The following DPP6 variants were observed in gnomAD, a reference collection of about 807,000 sequenced individuals.
DPP6 encodes A-type potassium channel modulatory protein DPP6.
A neutral mutation model predicts 122.6 loss-of-function variants in DPP6; 69 were observed. That is an observed-to-expected ratio of 0.56 (90% confidence interval 0.46 to 0.69). The LOEUF is 0.69. Ranked by LOEUF, DPP6 falls within the 30% of genes least tolerant of loss-of-function variation. The pLI, the probability that DPP6 is intolerant of heterozygous loss-of-function variation, is 0.00. For missense variants in DPP6, 928 were observed against 1,116.9 expected, an observed-to-expected ratio of 0.83 and a Z score of 2.41; for synonymous variants, 418 against 433.1, an observed-to-expected ratio of 0.97 and a Z score of 0.43.
At chr7:154,279,128 T>C (rs1278796898) in intron 1 of DPP6, among the ~76,000 whole-genome samples, 2 of 151,196 alleles carry the variant, frequency 1.3e-5, no homozygotes, top group East Asian at 3.9e-4. Flanking sequence ...TCTGGGCATG[T>C]GTGTGTATCT....
intron 1 of DPP6, among the ~76,000 whole-genome samples, chr7:154,437,718 T>A (rs1256389596): frequency 6.6e-6 from 1 of 152,182 alleles, no homozygotes; most frequent in African/African-American, 2.4e-5. Context: ...GGCGGATCCC[T>A]TGAGTCCAGG....
chr7:154,293,069 C>T (rs961274475), intron 1 of DPP6, among the ~76,000 whole-genome samples: 1 of 152,122 alleles, frequency 6.6e-6, no homozygotes, highest in Non-Finnish European at 1.5e-5. Context: ...TCTGACTTCC[C>T]ATTCCATATC....
At chr7:154,471,029 T>A (rs754327609) in intron 2 of DPP6, among the ~76,000 whole-genome samples, 10 of 152,090 alleles carry the variant, frequency 6.6e-5, no homozygotes, top group Non-Finnish European at 1.3e-4. Flanking sequence ...GGTGGGCGGA[T>A]CACCTGAGGT....
In DPP6 at chr7:154,610,705, CTCTGTG is replaced by C. The variant is rs1365179706; in HGVS notation, c.628-27114_628-27109del. ...TTTTATTATTTGTGTCTGTGTTGTT[CTCTGTG>C]TGTGTGTGTGTGTGTGTGTGTGTGT... On this transcript the variant is annotated intron_variant, in intron 5 of 25. Transcript: ENST00000377770. Among the ~76,000 whole-genome samples the C allele has an allele frequency of 6.9e-3, 977 of 140,598 alleles. 9 individuals are homozygous for C. Among genetic ancestry groups the C allele is most frequent in the South Asian group, 0.015 (69 of 4,488 alleles). The allele number at this position is 140,598 out of a possible 152,430, so 92.2% of individuals were successfully genotyped here. A position where few individuals can be genotyped will look rare whatever the true frequency, so the allele number is the denominator to read the frequency against.
intron 6 of DPP6, among the ~76,000 whole-genome samples, chr7:154,642,947 G>T (rs73489877): frequency 0.029 from 4,454 of 152,264 alleles, 201 homozygotes; most frequent in African/African-American, 0.1. Flanking sequence ...ACCCAGCAAA[G>T]AATTTTGCAT....
chr7:154,649,810 A>C (rs1836755085), intron 6 of DPP6, among the ~76,000 whole-genome samples: 2 of 152,210 alleles, frequency 1.3e-5, no homozygotes, highest in Admixed American at 1.3e-4. Context: ...CCGCGAAGAC[A>C]AATAGGAAAT....
intron 1 of DPP6, among the ~76,000 whole-genome samples, chr7:154,233,041 A>G (rs1460858996): frequency 6.6e-6 from 1 of 152,246 alleles, no homozygotes; most frequent in Non-Finnish European, 1.5e-5. Context: ...AGAAAGAATC[A>G]TGCTTAAAAT....
intron 5 of DPP6, among the ~76,000 whole-genome samples, chr7:154,622,895 C>T (rs1834787876): frequency 6.6e-6 from 1 of 152,136 alleles, no homozygotes; most frequent in African/African-American, 2.4e-5. Context: ...TCTGTCTTAC[C>T]CAAGAAGGGA....
At chr7:154,513,809 G>C (rs1386462513) in intron 3 of DPP6, among the ~76,000 whole-genome samples, 4 of 152,156 alleles carry the variant, frequency 2.6e-5, no homozygotes, top group African/African-American at 9.7e-5. Context: ...CCCTGGGCAC[G>C]TGCCACCCAG....
chr7:154,029,348 C>T (rs559833160), intron 1 of DPP6, among the ~76,000 whole-genome samples: 27 of 144,258 alleles, frequency 1.9e-4, no homozygotes, highest in African/African-American at 6.9e-4. Flanking sequence ...AACCCCGTCT[C>T]TACTAAAAAT....
At chr7:153,771,847 T>C in the DPP6 span, among the ~76,000 whole-genome samples, 2 of 151,976 alleles carry the variant, frequency 1.3e-5, no homozygotes, top group African/African-American at 4.8e-5. Flanking sequence ...AGGAATATGG[T>C]ACCAGAAAGA....
chr7:153,945,524 A>G (rs1397766657), intron 1 of DPP6, among the ~76,000 whole-genome samples: 4 of 152,154 alleles, frequency 2.6e-5, no homozygotes, highest in African/African-American at 9.7e-5. Flanking sequence ...AGTTAGAAGG[A>G]TAGAGGAAAT....
intron 1 of DPP6, among the ~76,000 whole-genome samples, chr7:154,141,343 C>G (rs1795834861): frequency 6.6e-6 from 1 of 152,202 alleles, no homozygotes; most frequent in Admixed American, 6.5e-5. Flanking sequence ...TTCCCCACCC[C>G]TCCTCAGTGC....
intron 7 of DPP6, among the ~76,000 whole-genome samples, chr7:154,717,208 T>C (rs1433485531): frequency 6.6e-6 from 1 of 152,182 alleles, no homozygotes; most frequent in African/African-American, 2.4e-5. Flanking sequence ...AGCTCGAACA[T>C]TTATCATTTA....
intron 7 of DPP6, among the ~76,000 whole-genome samples, chr7:154,676,361 G>C (rs892650883): frequency 8.8e-6 from 1 of 113,300 alleles, no homozygotes; most frequent in Non-Finnish European, 2.2e-5. Flanking sequence ...TGGAGGTCCA[G>C]CTGGCCTTCC....
At chr7:154,187,096 T>G (rs1798387851) in intron 1 of DPP6, among the ~76,000 whole-genome samples, 1 of 152,210 alleles carries the variant, frequency 6.6e-6, no homozygotes, top group Admixed American at 6.5e-5. Flanking sequence ...GAAGCACCTC[T>G]AATGATCTGC....
At chr7:154,402,540 T>A (rs908614663) in intron 1 of DPP6, among the ~76,000 whole-genome samples, 15 of 147,358 alleles carry the variant, frequency 1.0e-4, no homozygotes, top group Admixed American at 2.1e-4. Context: ...TAGGTGGGAA[T>A]TGAACAATGA....
chr7:154,271,269 C>T (rs1803769799), intron 1 of DPP6, among the ~76,000 whole-genome samples: 1 of 152,152 alleles, frequency 6.6e-6, no homozygotes, highest in Non-Finnish European at 1.5e-5. Context: ...AGACAGGTAC[C>T]AGAGGTGTCT....
rs563927563 is a variant in DPP6, at chr7:154,062,943, G to C, written c.243+9880G>C. Among the ~76,000 whole-genome samples the C allele has an allele frequency of 8.5e-4, 115 of 134,912 alleles. 20 individuals are homozygous for C. The highest frequency in any genetic ancestry group is 2.8e-3 in the African/African-American group (106 of 37,390). 88.5% of individuals were successfully genotyped at this position (134,912 alleles called of 152,430 possible). A position where few individuals can be genotyped will look rare whatever the true frequency, so the allele number is the denominator to read the frequency against. ...ACTGTGGGTGTTAGTTGTCCAGGTA[G>C]AAATTTCAAATCTTCCGACGGCAGG... On this transcript the variant is annotated intron_variant, in intron 1 of 25. Transcript: ENST00000377770.
Sources: allele counts gnomAD v4.1 joint callset (sites outside exome capture counted in the v4.1 genomes callset), GRCh38; gene constraint gnomAD v4.1.1; transcripts MANE v1.5; gene names NCBI Gene and HGNC (gene_info 2026-07-23, HGNC 2026-07-21).